The following BTBD9 variants were observed in gnomAD, a reference collection of about 807,000 sequenced individuals.
BTBD9 encodes the protein BTB/POZ domain-containing protein 9.
BTBD9 carries 49 observed loss-of-function variants against 64.3 expected under a neutral mutation model. The observed-to-expected ratio is 0.76, with a 90% confidence interval of 0.61 to 0.97. BTBD9 has a LOEUF of 0.97. Ranked by LOEUF, BTBD9 falls within the 50% of genes least tolerant of loss-of-function variation. BTBD9 has a pLI of 0.00. For synonymous variants in BTBD9, 260 were observed against 274.7 expected (o/e 0.95, Z 0.53); for missense variants, 598 against 762.1 (o/e 0.78, Z 2.53).
chr6:38,340,126 G>T (rs1216272398), intron 7 of BTBD9, among the ~76,000 whole-genome samples: 12 of 152,112 alleles, frequency 7.9e-5, no homozygotes, highest in Admixed American at 7.2e-4. Flanking sequence ...AGAAGTGTCA[G>T]CATATACTCA....
intron 6 of BTBD9, among the ~76,000 whole-genome samples, chr6:38,345,518 T>C (rs1328244283): frequency 1.3e-5 from 2 of 152,266 alleles, no homozygotes; most frequent in Non-Finnish European, 2.9e-5. Context: ...GAAGATTTAA[T>C]CCACTGCAGA....
chr6:38,258,271 C>T (rs1764670119), intron 8 of BTBD9, among the ~76,000 whole-genome samples: 1 of 152,064 alleles, frequency 6.6e-6, no homozygotes, highest in Admixed American at 6.6e-5. Context: ...CAGGCATGAG[C>T]CACTGCGGCC....
intron 9 of BTBD9, among the ~76,000 whole-genome samples, chr6:38,215,747 G>C (rs1286726518): frequency 6.6e-6 from 1 of 152,198 alleles, no homozygotes; most frequent in Non-Finnish European, 1.5e-5. Flanking sequence ...GGAGGGGTGT[G>C]GGGCAGGAGA....
intron 6 of BTBD9, among the ~76,000 whole-genome samples, chr6:38,563,927 G>A (rs556030317): frequency 3.3e-5 from 5 of 151,716 alleles, no homozygotes; most frequent in Admixed American, 1.3e-4. Flanking sequence ...GACTACAGGC[G>A]CCCGCCACCA....
intron 4 of BTBD9, among the ~76,000 whole-genome samples, chr6:38,582,611 C>G (rs1288510851): frequency 6.6e-6 from 1 of 152,112 alleles, no homozygotes; most frequent in Non-Finnish European, 1.5e-5. Context: ...CTCTTTCTAA[C>G]CCCCACTTCC....
intron 8 of BTBD9, among the ~76,000 whole-genome samples, chr6:38,272,888 T>C (rs1031348778): frequency 1.3e-5 from 2 of 152,162 alleles, no homozygotes; most frequent in African/African-American, 4.8e-5. Flanking sequence ...GAGGTTTGCA[T>C]TGGACATCAG....
At chr6:38,188,855 G>A (rs1013496988) in intron 10 of BTBD9, among the ~76,000 whole-genome samples, 4 of 152,148 alleles carry the variant, frequency 2.6e-5, no homozygotes, top group Admixed American at 6.5e-5. Context: ...ACTGTCTCTC[G>A]CGAAGTGCAC....
intron 7 of BTBD9, among the ~76,000 whole-genome samples, chr6:38,320,481 G>C (rs574034858): frequency 2.8e-4 from 42 of 152,106 alleles, no homozygotes; most frequent in Non-Finnish European, 5.0e-4. Context: ...TTATGCGGGA[G>C]GAAAACAGCT....
At chr6:38,225,208 C>T (rs1163594461) in intron 9 of BTBD9, among the ~76,000 whole-genome samples, 1 of 152,236 alleles carries the variant, frequency 6.6e-6, no homozygotes, top group Non-Finnish European at 1.5e-5. Flanking sequence ...GGCCATCTAT[C>T]TCTTTTCCCA....
At chr6:38,628,005 T>C (rs1246122497) in intron 1 of BTBD9, among the ~76,000 whole-genome samples, 2 of 152,170 alleles carry the variant, frequency 1.3e-5, no homozygotes, top group Non-Finnish European at 2.9e-5. Flanking sequence ...CTATTCCATA[T>C]ATCCTAAAGT....
chr6:38,352,677 T>G lies in BTBD9; in HGVS notation c.1155-7584A>C, dbSNP rs959267593. Reference sequence around the variant, plus strand: ...GAAGGCCATAAGAGCTTATTACCTATTCACATATGGTAGCTTAATCTTGAA... The same window carrying G: ...GAAGGCCATAAGAGCTTATTACCTAGTCACATATGGTAGCTTAATCTTGAA... On this transcript the variant is annotated intron_variant, in intron 6 of 10. Transcript: ENST00000481247. 5.3e-5 allele frequency among the ~76,000 whole-genome samples: 8 copies of G among 152,346 alleles called. No individual in the cohort carries two copies. In the South Asian group the frequency reaches 8.3e-4, roughly 16 times the overall value.
chr6:38,503,241 C>T (rs1005465826), intron 6 of BTBD9, among the ~76,000 whole-genome samples: 5 of 152,130 alleles, frequency 3.3e-5, no homozygotes, highest in East Asian at 3.9e-4. Flanking sequence ...CAGCTGTTCC[C>T]GCTGCCTTCT....
chr6:38,280,831 G>C (rs550493115), intron 8 of BTBD9, among the ~76,000 whole-genome samples: 7 of 152,174 alleles, frequency 4.6e-5, no homozygotes, highest in African/African-American at 1.7e-4. Flanking sequence ...CAAATATGAT[G>C]TCCAATTTAG....
chr6:38,517,975 A>C (rs1773112184), intron 6 of BTBD9, among the ~76,000 whole-genome samples: 1 of 152,206 alleles, frequency 6.6e-6, no homozygotes, highest in Non-Finnish European at 1.5e-5. Context: ...ATTCCAGATG[A>C]AATTAAGAAG....
chr6:38,527,233 AC>A (rs1253126986), intron 6 of BTBD9, among the ~76,000 whole-genome samples: 2 of 130,422 alleles, frequency 1.5e-5, no homozygotes, highest in Admixed American at 1.9e-4. Flanking sequence ...CCAAGATCGC[AC>A]CACTGCACTC....
Position 38,320,743 on chromosome 6 carries a change from A to G in BTBD9, c.1264+24241T>C, listed in dbSNP as rs560188979. On this transcript the variant is annotated intron_variant, in intron 7 of 10. Coordinates refer to ENST00000481247, the MANE Select transcript of BTBD9 (RefSeq NM_001099272.2). ...AGAATTTTGAGAGTTTCAGAGAAGC[A>G]TAAGACCTAGGCTTGGCACTTCCCC... 3.0e-4 allele frequency among the ~76,000 whole-genome samples: 46 copies of G among 152,338 alleles called. 1 individual carries two copies. Among genetic ancestry groups the G allele is most frequent in the Non-Finnish European group, 4.1e-4 (28 of 68,034 alleles).
chr6:38,516,581 A>G (rs1418053845), intron 6 of BTBD9, among the ~76,000 whole-genome samples: 1 of 152,198 alleles, frequency 6.6e-6, no homozygotes, highest in African/African-American at 2.4e-5. Context: ...AGTAGGTGAC[A>G]TGCTAGGAAG....
At chr6:38,269,408 G>T (rs1461607165) in intron 8 of BTBD9, among the ~76,000 whole-genome samples, 1 of 151,948 alleles carries the variant, frequency 6.6e-6, no homozygotes, top group Non-Finnish European at 1.5e-5. Context: ...AAGTTTTTCA[G>T]TGCAATTCTT....
chr6:38,419,409 CAAAAAA>C (rs923683877), intron 6 of BTBD9, among the ~76,000 whole-genome samples: 2 of 152,068 alleles, frequency 1.3e-5, no homozygotes, highest in African/African-American at 4.8e-5. Flanking sequence ...AAAGCTGTTA[CAAAAAA>C]TAGTGCTATT....
Sources: gnomAD v4.1 joint callset for allele counts (sites outside exome capture counted in the v4.1 genomes callset) on GRCh38, gnomAD v4.1.1 for gene constraint, MANE v1.5 for transcripts, NCBI Gene and HGNC (gene_info 2026-07-23, HGNC 2026-07-21) for gene names.